UNC13C: variants seen among roughly 807,000 people sequenced by gnomAD.
The protein encoded by UNC13C is unc-13 homolog C.
Under a neutral mutation model 245.4 loss-of-function variants are expected in UNC13C, and 174 were observed. The ratio of observed to expected loss-of-function variants is 0.71; its 90% CI spans 0.63 to 0.80. UNC13C has a LOEUF of 0.80. Ranked by LOEUF, UNC13C falls within the 30% of genes least tolerant of loss-of-function variation. The probability of loss-of-function intolerance (pLI) is 0.00; values close to 1 mark genes in which losing one functional copy is unlikely to be tolerated. For missense variants in UNC13C, 2,829 were observed against 2,602.9 expected, an observed-to-expected ratio of 1.09 and a Z score of -1.89; for synonymous variants, 992 against 895.1, an observed-to-expected ratio of 1.11 and a Z score of -1.93.
chr15:54,612,783 G>A (rs1429764684), intron 30 of UNC13C, among the ~76,000 whole-genome samples: 1 of 151,960 alleles, frequency 6.6e-6, no homozygotes, highest in Non-Finnish European at 1.5e-5. Context: ...GGTTTGAATA[G>A]GAATGAGCAT....
At chr15:54,121,626 CTCTTCTTTT>C (rs1330655039) in intron 2 of UNC13C, among the ~76,000 whole-genome samples, 2 of 151,880 alleles carry the variant, frequency 1.3e-5, no homozygotes, top group African/African-American at 4.8e-5. Flanking sequence ...GGCAATGATG[CTCTTCTTTT>C]TCTTCTTTTT....
At chr15:54,626,081 G>A (rs1901121859) in intron 32 of UNC13C, among the ~76,000 whole-genome samples, 1 of 152,172 alleles carries the variant, frequency 6.6e-6, no homozygotes, top group Non-Finnish European at 1.5e-5. Flanking sequence ...AGGGCTAGAT[G>A]TACATTCATT....
chr15:54,316,830 G>A (rs994248245), intron 13 of UNC13C, among the ~76,000 whole-genome samples: 8 of 151,916 alleles, frequency 5.3e-5, no homozygotes, highest in Non-Finnish European at 1.2e-4. Flanking sequence ...CTCCAAGCCT[G>A]CTCCTCCATC....
chr15:54,551,326 G>A (rs1262100958), intron 28 of UNC13C, among the ~76,000 whole-genome samples: 1 of 152,048 alleles, frequency 6.6e-6, no homozygotes, highest in African/African-American at 2.4e-5. Context: ...TCACAGCAAA[G>A]TCTCCTGGAA....
chr15:54,305,427 C>T (rs1467305674), intron 13 of UNC13C, among the ~76,000 whole-genome samples: 2 of 152,022 alleles, frequency 1.3e-5, no homozygotes, highest in African/African-American at 4.8e-5. Context: ...ATAGTTTCCA[C>T]CATACTTTTA....
intron 4 of UNC13C, among the ~76,000 whole-genome samples, chr15:54,222,909 T>A (rs1200549183): frequency 6.6e-6 from 1 of 152,176 alleles, no homozygotes; most frequent in African/African-American, 2.4e-5. Context: ...AAATGTCTAT[T>A]CAGATATTTT....
chr15:54,192,169 T>G (rs1459429100), intron 4 of UNC13C, among the ~76,000 whole-genome samples: 1 of 152,192 alleles, frequency 6.6e-6, no homozygotes, highest in Non-Finnish European at 1.5e-5. Context: ...CTGAATTAGT[T>G]TTTGAGTGCA....
chr15:54,058,156 A>G (rs1320620905), intron 2 of UNC13C, among the ~76,000 whole-genome samples: 1 of 152,170 alleles, frequency 6.6e-6, no homozygotes, highest in Admixed American at 6.5e-5. Flanking sequence ...CCCTTCAAAA[A>G]ATCAATGAAT....
At chr15:54,506,107 T>TA (rs368383145) in intron 22 of UNC13C, among the ~76,000 whole-genome samples, 1 of 152,104 alleles carries the variant, frequency 6.6e-6, no homozygotes, top group Non-Finnish European at 1.5e-5. Context: ...TCATAAGAAT[T>TA]AAAAAATCTC....
chr15:54,570,410 C>G (rs1372986298), intron 30 of UNC13C, among the ~76,000 whole-genome samples: 3 of 152,160 alleles, frequency 2.0e-5, no homozygotes, highest in Non-Finnish European at 2.9e-5. Context: ...CTACTACCCA[C>G]TTTCTCCACC....
the UNC13C span, among the ~76,000 whole-genome samples, chr15:53,897,567 A>G: frequency 6.6e-6 from 1 of 152,184 alleles, no homozygotes; most frequent in Non-Finnish European, 1.5e-5. Context: ...GGCGTGTGCC[A>G]TGGAACCTGG....
At chr15:54,448,247 T>C (rs1451937164) in intron 19 of UNC13C, among the ~76,000 whole-genome samples, 2 of 152,196 alleles carry the variant, frequency 1.3e-5, no homozygotes, top group Admixed American at 1.3e-4. Context: ...GAATGTATAT[T>C]CTGTTGATTT....
At chr15:53,886,086 T>C in the UNC13C span, among the ~76,000 whole-genome samples, 1 of 152,134 alleles carries the variant, frequency 6.6e-6, no homozygotes, top group Non-Finnish European at 1.5e-5. Flanking sequence ...GAGACATTGG[T>C]GGGAACTCAT....
chr15:54,455,231 ATATATAT>A (rs1442810570), intron 19 of UNC13C, among the ~76,000 whole-genome samples: 2 of 95,218 alleles, frequency 2.1e-5, no homozygotes, highest in African/African-American at 3.6e-5. Context: ...ATATATATAT[ATATATAT>A]GTTTTTTAAT....
At chr15:54,053,536 G>A (rs1897363838) in intron 2 of UNC13C, among the ~76,000 whole-genome samples, 1 of 151,954 alleles carries the variant, frequency 6.6e-6, no homozygotes, top group Non-Finnish European at 1.5e-5. Flanking sequence ...TATTTATGGG[G>A]TACATGGCAT....
intron 2 of UNC13C, among the ~76,000 whole-genome samples, chr15:54,107,375 A>G (rs946288293): frequency 6.6e-6 from 1 of 152,194 alleles, no homozygotes; most frequent in Non-Finnish European, 1.5e-5. Context: ...ATTAAAAAGC[A>G]TTTATAAGCC....
rs941624496 is a variant in UNC13C, at chr15:54,331,981, T to C, written c.4426-62T>C. On this transcript the variant is annotated intron_variant, in intron 14 of 32. Transcript: ENST00000260323. ...AAAATAGAGACAAAACTCAGAATTA[T>C]TATGAGGTCTTTAGAGTGGTCATTT... 3.8e-6 allele frequency: 4 copies of C among 1,063,052 alleles called. No homozygotes were observed. The South Asian group carries it at 6.6e-5, about 18-fold the overall frequency. The allele number at this position is 1,063,052 out of a possible 1,614,324, so 65.9% of individuals were successfully genotyped here.
At chr15:54,139,910 T>G (rs143623610) in intron 2 of UNC13C, among the ~76,000 whole-genome samples, 48 of 152,304 alleles carry the variant, frequency 3.2e-4, no homozygotes, top group Admixed American at 6.5e-4. Context: ...TATAGATACT[T>G]AACCTATTGT....
intron 1 of UNC13C, among the ~76,000 whole-genome samples, chr15:54,004,574 A>G (rs1895052562): frequency 6.6e-6 from 1 of 152,152 alleles, no homozygotes; most frequent in African/African-American, 2.4e-5. Context: ...TAGTTTTTTG[A>G]GGAACCTTCA....
Sources: allele counts gnomAD v4.1 joint callset (sites outside exome capture counted in the v4.1 genomes callset), GRCh38; gene constraint gnomAD v4.1.1; transcripts MANE v1.5; gene names NCBI Gene and HGNC (gene_info 2026-07-23, HGNC 2026-07-21).